Variants in RGP1 observed in about 807,000 individuals in gnomAD.
RGP1 encodes the protein RGP1 partner of RAB6A GEF complex.
A neutral mutation model predicts 44.5 loss-of-function variants in RGP1; 28 were observed. That is an observed-to-expected ratio of 0.63 (90% confidence interval 0.47 to 0.86). The LOEUF is 0.86. RGP1 is among the 40% of genes least tolerant of loss of function. The probability of loss-of-function intolerance (pLI) is 0.00; values close to 1 mark genes in which losing one functional copy is unlikely to be tolerated. For missense variants in RGP1, 417 were observed against 490.7 expected (o/e 0.85, Z 1.42); for synonymous variants, 212 against 196.7 (o/e 1.08, Z -0.65).
chr9:35,763,583 T>C (rs1191881208), downstream of RGP1, among the ~76,000 whole-genome samples: 1 of 152,138 alleles, frequency 6.6e-6, no homozygotes, highest in Non-Finnish European at 1.5e-5. Flanking sequence ...AGAAATTGCC[T>C]GGAAGAAAAC....
At chr9:35,770,569 C>T in the RGP1 span, among the ~76,000 whole-genome samples, 1 of 145,388 alleles carries the variant, frequency 6.9e-6, no homozygotes, top group East Asian at 2.0e-4. Flanking sequence ...TAGAATAGAT[C>T]CCTGAGGATC....
the RGP1 span, among the ~76,000 whole-genome samples, chr9:35,763,896 A>G: frequency 2.7e-4 from 41 of 150,262 alleles, no homozygotes; most frequent in African/African-American, 4.6e-4. Flanking sequence ...AAAAAAAAAA[A>G]AAAAGAAAAG....
Position 35,754,318 on chromosome 9 carries a change from G to T in RGP1, c.*1444G>T. On this transcript the variant is annotated 3_prime_UTR_variant, in exon 9 of 9. Coordinates refer to ENST00000378078, the MANE Select transcript of RGP1 (RefSeq NM_001080496.3). ...GGATGTTTATAAAGTGAGGACCCTG[G>T]CCCCCTGCTGAGTAGAGCTGGAAAA... is the stretch of plus-strand genomic sequence containing the variant. 4.8e-6 allele frequency: 3 copies of T among 624,184 alleles called. No individual in the cohort carries two copies. Among genetic ancestry groups the T allele is most frequent in the Admixed American group, 3.6e-5 (1 of 27,518 alleles). 38.7% of individuals were successfully genotyped at this position (624,184 alleles called of 1,614,324 possible). A position where few individuals can be genotyped will look rare whatever the true frequency, so the allele number is the denominator to read the frequency against.
In RGP1 at chr9:35,754,622, G is replaced by A. The variant is rs995606096; in HGVS notation, c.*1748G>A. On this transcript the variant is annotated 3_prime_UTR_variant, in exon 9 of 9. Transcript: ENST00000378078. ...GTGTGTATGCTGGGATCCCTGCCTG[G>A]ACCGGAGGGAGGCATTTCCTGGGGA... 1 of 152,684 alleles carries A rather than the reference G, an allele frequency of 6.5e-6. No homozygotes were observed. Among genetic ancestry groups the A allele is most frequent in the African/African-American group, 2.4e-5 (1 of 41,448 alleles). The allele number at this position is 152,684 out of a possible 1,614,324, so 9.5% of individuals were successfully genotyped here.
downstream of RGP1, among the ~76,000 whole-genome samples, chr9:35,758,728 G>A (rs972451137): frequency 2.0e-5 from 3 of 151,748 alleles, no homozygotes; most frequent in East Asian, 1.9e-4. Flanking sequence ...ACTTCACACC[G>A]ACTTCCTCTA....
chr9:35,764,133 TAAAA>T, the RGP1 span, among the ~76,000 whole-genome samples: 2 of 151,604 alleles, frequency 1.3e-5, no homozygotes, highest in African/African-American at 4.9e-5. Context: ...TAAAATAAAA[TAAAA>T]AGAAGAAGAA....
the RGP1 span, among the ~76,000 whole-genome samples, chr9:35,770,189 G>A: frequency 1.3e-5 from 2 of 152,212 alleles, no homozygotes; most frequent in Admixed American, 6.5e-5. Flanking sequence ...TGTCCAGCAA[G>A]GCTTAGATGT....
the RGP1 span, among the ~76,000 whole-genome samples, chr9:35,765,136 AAAG>A: frequency 1.2e-3 from 178 of 152,148 alleles, 2 homozygotes; most frequent in African/African-American, 3.9e-3. Context: ...AAAAAAAAAA[AAAG>A]AAGTCCATTT....
chr9:35,779,750 T>C, the RGP1 span, among the ~76,000 whole-genome samples: 1 of 151,434 alleles, frequency 6.6e-6, no homozygotes, highest in Non-Finnish European at 1.5e-5. Flanking sequence ...AGCCAGCATC[T>C]TTTTTTTTAA....
the RGP1 span, among the ~76,000 whole-genome samples, chr9:35,783,563 G>T: frequency 6.6e-6 from 1 of 151,766 alleles, no homozygotes; most frequent in Non-Finnish European, 1.5e-5. Flanking sequence ...CCACATATGA[G>T]TGAGATCCTG....
At chr9:35,758,650 C>G (rs757080654), downstream of RGP1, 1 of 152,210 alleles carries the variant, frequency 6.6e-6, no homozygotes, top group African/African-American at 2.4e-5. Flanking sequence ...TTAGCCCCAG[C>G]CCTACTCTAT....
At chr9:35,781,987 T>G in the RGP1 span, among the ~76,000 whole-genome samples, 6 of 144,134 alleles carry the variant, frequency 4.2e-5, 1 homozygote, top group East Asian at 2.0e-4. Context: ...TCTCTCGTTT[T>G]TTTTTTTTTT....
the RGP1 span, among the ~76,000 whole-genome samples, chr9:35,787,107 AAT>A: frequency 1.5e-4 from 23 of 150,026 alleles, no homozygotes; most frequent in East Asian, 1.6e-3. Context: ...CAAAAAAAAA[AAT>A]TTTTTTTTTT....
the RGP1 span, among the ~76,000 whole-genome samples, chr9:35,778,346 T>A: frequency 3.9e-5 from 6 of 152,176 alleles, no homozygotes; most frequent in African/African-American, 1.2e-4. Flanking sequence ...AAACTGTCTC[T>A]TTCATCTTGC....
chr9:35,752,512 T>A lies in RGP1; in HGVS notation c.953-139T>A, dbSNP rs1394421899. 15 of 775,342 alleles carry A rather than the reference T, an allele frequency of 1.9e-5. No individual in the cohort carries two copies. The Admixed American group carries it at 2.1e-4, about 11-fold the overall frequency. 48.0% of individuals were successfully genotyped at this position (775,342 alleles called of 1,614,324 possible). A position where few individuals can be genotyped will look rare whatever the true frequency, so the allele number is the denominator to read the frequency against. ...CCCATTGCTTCAGAAAAACCCTTAA[T>A]CACAGCTCCCTGCCCTGTGACTTTT... On this transcript the variant is annotated intron_variant, in intron 8 of 8. Transcript: ENST00000378078.
the RGP1 span, among the ~76,000 whole-genome samples, chr9:35,788,512 G>A: frequency 6.6e-6 from 1 of 151,734 alleles, no homozygotes; most frequent in Admixed American, 6.6e-5. Context: ...GTTGCAGTGA[G>A]CCGAGATTGC....
the RGP1 span, among the ~76,000 whole-genome samples, chr9:35,769,327 A>G: frequency 2.0e-5 from 3 of 152,112 alleles, no homozygotes; most frequent in African/African-American, 7.2e-5. Flanking sequence ...TCCACCTGTT[A>G]TCTCTCCTCA....
chr9:35,790,411 A>G, the RGP1 span: 1 of 153,672 alleles, frequency 6.5e-6, no homozygotes, highest in Non-Finnish European at 1.5e-5. Context: ...GGTGTTCAAT[A>G]AATATCGTGC....
the RGP1 span, chr9:35,780,442 G>C: frequency 6.6e-6 from 1 of 152,212 alleles, no homozygotes; most frequent in African/African-American, 2.4e-5. Flanking sequence ...GAAGACTGAT[G>C]GGTGGCAGGT....
Sources: allele counts gnomAD v4.1 joint callset (sites outside exome capture counted in the v4.1 genomes callset), GRCh38; gene constraint gnomAD v4.1.1; transcripts MANE v1.5; gene names NCBI Gene and HGNC (gene_info 2026-07-23, HGNC 2026-07-21).